The following CDH13 variants were observed in gnomAD, a reference collection of about 807,000 sequenced individuals.
The protein encoded by CDH13 is cadherin 13.
A neutral mutation model predicts 63.8 loss-of-function variants in CDH13; 24 were observed. The observed-to-expected ratio is 0.38, with a 90% CI of 0.27 to 0.53. The LOEUF (loss-of-function observed/expected upper bound fraction) is 0.53. CDH13 is among the 20% of genes least tolerant of loss of function. The pLI, the probability that CDH13 is intolerant of heterozygous loss-of-function variation, is 0.85. For missense variants in CDH13, 1,049 were observed against 903.1 expected, an observed-to-expected ratio of 1.16 and a Z score of -2.07; for synonymous variants, 503 against 355.3, an observed-to-expected ratio of 1.42 and a Z score of -4.67.
chr16:83,153,002 G>A lies in CDH13; in HGVS notation c.483+27501G>A, dbSNP rs183342138. On this transcript the variant is annotated intron_variant, in intron 4 of 13. Transcript: ENST00000567109. The stretch of plus-strand genomic sequence containing the variant: ...GAACAGACAGTAACCACCAAAAGCC[G>A]TAACCGCTTAGTGGGTTCACCTTAC... Among the ~76,000 whole-genome samples, 9 of 152,330 alleles carry A rather than the reference G, an allele frequency of 5.9e-5. No homozygotes were observed. The South Asian group carries it at 1.0e-3, about 18-fold the overall frequency.
chr16:82,716,245 G>A (rs1427723906), intron 1 of CDH13, among the ~76,000 whole-genome samples: 1 of 152,014 alleles, frequency 6.6e-6, no homozygotes, highest in East Asian at 1.9e-4. Context: ...CTGGATTTTC[G>A]GGACCTTGGA....
intron 6 of CDH13, among the ~76,000 whole-genome samples, chr16:83,458,397 A>C (rs17217021): frequency 6.6e-6 from 1 of 152,038 alleles, no homozygotes; most frequent in Admixed American, 6.5e-5. Context: ...ACACTTCCCA[A>C]CATCATCGCC....
chr16:83,130,735 A>G (rs2151654401), intron 4 of CDH13, among the ~76,000 whole-genome samples: 1 of 152,316 alleles, frequency 6.6e-6, no homozygotes, highest in African/African-American at 2.4e-5. Flanking sequence ...TGGCACAAAA[A>G]CGCCTTTTAA....
At chr16:83,367,368 T>C (rs1250908617) in intron 6 of CDH13, among the ~76,000 whole-genome samples, 2 of 152,256 alleles carry the variant, frequency 1.3e-5, no homozygotes, top group African/African-American at 4.8e-5. Context: ...TTTTACGTTA[T>C]ATTTTATGAC....
intron 5 of CDH13, among the ~76,000 whole-genome samples, chr16:83,221,769 C>T (rs755084561): frequency 1.3e-5 from 2 of 152,008 alleles, no homozygotes; most frequent in African/African-American, 4.8e-5. Flanking sequence ...TCACACTGAT[C>T]TGTTGTCCAG....
intron 2 of CDH13, among the ~76,000 whole-genome samples, chr16:82,950,733 CTTTAT>C (rs1905206705): frequency 6.6e-6 from 1 of 151,392 alleles, no homozygotes; most frequent in African/African-American, 2.4e-5. Flanking sequence ...CTACCCATGA[CTTTAT>C]TTTAACTTGA....
chr16:83,097,753 G>A (rs537127009), intron 3 of CDH13, among the ~76,000 whole-genome samples: 19 of 152,292 alleles, frequency 1.2e-4, no homozygotes, highest in African/African-American at 4.6e-4. Flanking sequence ...AGTTGCATTT[G>A]ATCTAAAGTA....
chr16:83,091,817 T>G (rs1376993369), intron 3 of CDH13, among the ~76,000 whole-genome samples: 1 of 152,228 alleles, frequency 6.6e-6, no homozygotes, highest in Non-Finnish European at 1.5e-5. Context: ...AATAACTGTT[T>G]GTTTCATGAT....
At chr16:83,101,733 G>T (rs2034488207) in intron 3 of CDH13, among the ~76,000 whole-genome samples, 1 of 152,216 alleles carries the variant, frequency 6.6e-6, no homozygotes, top group South Asian at 2.1e-4. Flanking sequence ...GGCAGAGGTT[G>T]CAGTAAGCCG....
At chr16:83,309,600 C>G (rs997267899) in intron 5 of CDH13, among the ~76,000 whole-genome samples, 1 of 152,196 alleles carries the variant, frequency 6.6e-6, no homozygotes, top group Non-Finnish European at 1.5e-5. Context: ...TGATCTCGAA[C>G]TCCTGACCTC....
At chr16:83,687,222 A>G (rs1310715793) in intron 10 of CDH13, among the ~76,000 whole-genome samples, 1 of 152,140 alleles carries the variant, frequency 6.6e-6, no homozygotes, top group Non-Finnish European at 1.5e-5. Flanking sequence ...AGAAAAAAAA[A>G]ATGTAGACAT....
At chr16:83,501,657 T>C (rs1012686642) in intron 7 of CDH13, among the ~76,000 whole-genome samples, 2 of 152,118 alleles carry the variant, frequency 1.3e-5, no homozygotes, top group Non-Finnish European at 1.5e-5. Context: ...GGTTATGGAG[T>C]TCCCAAGGGC....
At chr16:83,735,427 T>C (rs941798525) in intron 10 of CDH13, 1 of 152,210 alleles carries the variant, frequency 6.6e-6, no homozygotes, top group Non-Finnish European at 1.5e-5. Flanking sequence ...TTTTTTCTTC[T>C]TGTATTGCTT....
chr16:83,379,938 T>TATATATAGAGAGAG, intron 6 of CDH13, among the ~76,000 whole-genome samples: 32 of 123,454 alleles, frequency 2.6e-4, no homozygotes, highest in African/African-American at 7.8e-4. Flanking sequence ...TATATATATA[T>TATATATAGAGAGAG]AGAGAGAGAG....
At chr16:83,058,183 T>G (rs1344689755) in intron 3 of CDH13, among the ~76,000 whole-genome samples, 1 of 152,150 alleles carries the variant, frequency 6.6e-6, no homozygotes, top group African/African-American at 2.4e-5. Context: ...GCTTGGGGTG[T>G]GACCTTAGCC....
At chr16:83,785,123 G>A (rs540282910) in intron 13 of CDH13, among the ~76,000 whole-genome samples, 6 of 152,320 alleles carry the variant, frequency 3.9e-5, no homozygotes, top group East Asian at 1.9e-4. Flanking sequence ...TGGGCTAAAC[G>A]TTGAGCAGGG....
chr16:83,559,477 G>C (rs1376089719), intron 7 of CDH13, among the ~76,000 whole-genome samples: 2 of 152,048 alleles, frequency 1.3e-5, no homozygotes, highest in East Asian at 3.9e-4. Context: ...AGGCTGAGGT[G>C]GGAGAATCAC....
At chr16:82,848,010 G>C (rs2039335183) in intron 1 of CDH13, among the ~76,000 whole-genome samples, 1 of 151,726 alleles carries the variant, frequency 6.6e-6, no homozygotes, top group Admixed American at 6.6e-5. Flanking sequence ...ATTTCATTTG[G>C]GAAGAAAGAC....
intron 6 of CDH13, among the ~76,000 whole-genome samples, chr16:83,419,344 T>G (rs931698831): frequency 6.6e-6 from 1 of 152,182 alleles, no homozygotes; most frequent in Non-Finnish European, 1.5e-5. Context: ...TAGCCACACA[T>G]ATAAGACATC....
Sources: allele counts gnomAD v4.1 joint callset (sites outside exome capture counted in the v4.1 genomes callset), GRCh38; gene constraint gnomAD v4.1.1; transcripts MANE v1.5; gene names NCBI Gene and HGNC (gene_info 2026-07-23, HGNC 2026-07-21).